The following EBPL variants were observed in gnomAD, a reference collection of about 807,000 sequenced individuals.
EBPL encodes EBP like.
EBPL carries 20 observed loss-of-function variants against 19.0 expected under a neutral mutation model. The observed-to-expected ratio is 1.05, with a 90% CI of 0.74 to 1.53. The LOEUF is 1.53. Among genes scored for constraint, EBPL ranks in the 40% most tolerant of loss-of-function variants. The pLI is 0.00. For missense variants in EBPL, 219 were observed against 261.1 expected, an observed-to-expected ratio of 0.84 and a Z score of 1.11; for synonymous variants, 107 against 117.0, an observed-to-expected ratio of 0.91 and a Z score of 0.55.
intron 2 of EBPL, among the ~76,000 whole-genome samples, chr13:49,664,248 A>G (rs572967152): frequency 8.5e-5 from 13 of 152,208 alleles, no homozygotes; most frequent in African/African-American, 7.2e-5. Flanking sequence ...GCTAGACTCT[A>G]TCTCAATACA....
intron 1 of EBPL, 62 bp downstream of exon 1, chr13:49,691,192 C>G: frequency 8.0e-7 from 1 of 1,257,058 alleles, no homozygotes; most frequent in Non-Finnish European, 1.0e-6. Context: ...CTCACCCCGC[C>G]TTGCCGCCCC....
intron 3 of EBPL, 54 bp from the exon 4 acceptor site, chr13:49,661,262 T>C: frequency 7.0e-7 from 1 of 1,435,516 alleles, no homozygotes; most frequent in Non-Finnish European, 9.7e-7. Context: ...CAGTTTGGCA[T>C]CAGAGTCATG....
At chr13:49,663,416 A>G (rs955937464) in intron 2 of EBPL, among the ~76,000 whole-genome samples, 7 of 152,150 alleles carry the variant, frequency 4.6e-5, no homozygotes, top group African/African-American at 1.7e-4. Context: ...CAGGTGTCCA[A>G]TCATTCAGTT....
Position 49,691,232 on chromosome 13 carries a change from G to A in EBPL, c.171+22C>T, listed in dbSNP as rs1414951184. 3.7e-6 allele frequency: 5 copies of A among 1,345,124 alleles called. No individual in the cohort carries two copies. In the East Asian group the frequency reaches 1.2e-4, roughly 31 times the overall value. 83.3% of individuals were successfully genotyped at this position (1,345,124 alleles called of 1,614,324 possible). A position where few individuals can be genotyped will look rare whatever the true frequency, so the allele number is the denominator to read the frequency against. On this transcript the variant is annotated intron_variant, in intron 1 of 3. Transcript: ENST00000242827. ...CCCACTCTCTGGGATGGGGAGTGCA[G>A]GGTCTAGGCGATGGCACTTACCAGC...
chr13:49,690,173 C>CAAAAAAAAAAAAAAAAAA (rs1332181431), intron 1 of EBPL, among the ~76,000 whole-genome samples: 2 of 96,482 alleles, frequency 2.1e-5, no homozygotes, highest in African/African-American at 4.0e-5. Context: ...AAAAAAAAGA[C>CAAAAAAAAAAAAAAAAAA]AAAAAAAAAA....
At chr13:49,678,607 C>T (rs1376621239) in intron 1 of EBPL, among the ~76,000 whole-genome samples, 3 of 152,314 alleles carry the variant, frequency 2.0e-5, no homozygotes, top group African/African-American at 7.2e-5. Context: ...CAGCGCCCAC[C>T]CAGAACTCTG....
At chr13:49,671,512 A>G (rs1953816209) in intron 1 of EBPL, among the ~76,000 whole-genome samples, 1 of 151,838 alleles carries the variant, frequency 6.6e-6, no homozygotes, top group Admixed American at 6.6e-5. Context: ...ACAAATAAGT[A>G]CTCCCCAGTC....
intron 1 of EBPL, among the ~76,000 whole-genome samples, chr13:49,690,026 C>A (rs952871310): frequency 6.6e-6 from 1 of 151,628 alleles, no homozygotes; most frequent in African/African-American, 2.4e-5. Context: ...GACGGGCGCC[C>A]GTAATCCCAG....
At chr13:49,680,200 C>A (rs1397880018) in intron 1 of EBPL, among the ~76,000 whole-genome samples, 1 of 152,190 alleles carries the variant, frequency 6.6e-6, no homozygotes, top group Admixed American at 6.5e-5. Context: ...CAGCGACCAC[C>A]AGGGTAGATC....
chr13:49,661,464 C>T (rs1485697834), intron 3 of EBPL, among the ~76,000 whole-genome samples: 1 of 152,134 alleles, frequency 6.6e-6, no homozygotes, highest in Non-Finnish European at 1.5e-5. Context: ...CCTCAGGGAT[C>T]CTGACCCATT....
chr13:49,675,621 G>A (rs188464762), intron 1 of EBPL, among the ~76,000 whole-genome samples: 3 of 152,294 alleles, frequency 2.0e-5, no homozygotes, highest in East Asian at 3.9e-4. Context: ...TTCCATTTTG[G>A]GGTTATTGTG....
At position 49,666,121 on chromosome 13, in the gene EBPL, G is replaced by A. The variant is rs555443179; in HGVS notation, c.242-2926C>T. The stretch of plus-strand genomic sequence containing the variant: ...GGTTGCACCTGGGAACAGTGTTCGG[G>A]CAGGGGCCACGCAGGCAGGCTTTGC... On this transcript the variant is annotated intron_variant, in intron 2 of 3. Coordinates refer to ENST00000242827, the MANE Select transcript of EBPL (RefSeq NM_032565.5). Among the ~76,000 whole-genome samples, 5 of 152,316 alleles carry A rather than the reference G, an allele frequency of 3.3e-5. No homozygotes were observed. In the South Asian group the frequency reaches 1.0e-3, roughly 32 times the overall value.
Position 49,688,647 on chromosome 13 carries a change from A to G in EBPL, c.171+2607T>C, listed in dbSNP as rs557312052. On this transcript the variant is annotated intron_variant, in intron 1 of 3. Transcript: ENST00000242827. ...GGCAGGAGAATGGCGTGAACCCGAG[A>G]GGCGGAGCTTGCAGCGAGCCGAGAT... Among the ~76,000 whole-genome samples, 985 of 143,874 alleles carry G rather than the reference A, an allele frequency of 6.8e-3. 6 individuals carry two copies. The highest frequency in any genetic ancestry group is 9.0e-3 in the Non-Finnish European group (606 of 67,280). 94.4% of individuals were successfully genotyped at this position (143,874 alleles called of 152,430 possible).
chr13:49,689,569 G>A (rs1954037883), intron 1 of EBPL, among the ~76,000 whole-genome samples: 1 of 152,028 alleles, frequency 6.6e-6, no homozygotes, highest in Admixed American at 6.5e-5. Context: ...GGCTGGTCTT[G>A]AACTCCTGAC....
chr13:49,687,717 G>A (rs1332766333), intron 1 of EBPL, among the ~76,000 whole-genome samples: 1 of 152,188 alleles, frequency 6.6e-6, no homozygotes, highest in Non-Finnish European at 1.5e-5. Context: ...TTCCTTTCTT[G>A]TAACGCATCC....
At chr13:49,661,668 A>T (rs1965150507) in intron 3 of EBPL, 1 of 895,400 alleles carries the variant, frequency 1.1e-6, no homozygotes, top group East Asian at 1.2e-4. Flanking sequence ...CAAATATCAC[A>T]AATGTTTAAA....
intron 1 of EBPL, among the ~76,000 whole-genome samples, chr13:49,680,289 C>T (rs1953928022): frequency 6.6e-6 from 1 of 152,168 alleles, no homozygotes; most frequent in South Asian, 2.1e-4. Context: ...GCACCTGTCC[C>T]TGAAGAAGAC....
intron 1 of EBPL, among the ~76,000 whole-genome samples, chr13:49,670,947 T>G (rs1198986329): frequency 6.6e-6 from 1 of 152,242 alleles, no homozygotes; most frequent in Non-Finnish European, 1.5e-5. Flanking sequence ...TTTCTTGTTC[T>G]CTAAACATAT....
chr13:49,691,018 T>A (rs1954057155), intron 1 of EBPL, among the ~76,000 whole-genome samples: 1 of 152,224 alleles, frequency 6.6e-6, no homozygotes, highest in African/African-American at 2.4e-5. Flanking sequence ...AGAATTTTTT[T>A]AAAGTTTGGT....
Sources: gnomAD v4.1 joint callset for allele counts (sites outside exome capture counted in the v4.1 genomes callset) on GRCh38, gnomAD v4.1.1 for gene constraint, MANE v1.5 for transcripts, NCBI Gene and HGNC (gene_info 2026-07-23, HGNC 2026-07-21) for gene names.